Variants in ZC3H12B observed in about 807,000 individuals in gnomAD.
The protein encoded by ZC3H12B is probable ribonuclease ZC3H12B.
In ZC3H12B, 7 loss-of-function variants were observed where a neutral mutation model predicts 43.9. The ratio of observed to expected loss-of-function variants is 0.16; its 90% CI spans 0.09 to 0.30. The LOEUF (loss-of-function observed/expected upper bound fraction) is 0.30, where lower values mean the gene tolerates loss of function less well. ZC3H12B is among the 10% of genes least tolerant of loss of function. The pLI is 1.00. For missense variants in ZC3H12B, 475 were observed against 670.2 expected (o/e 0.71, Z 3.22); for synonymous variants, 222 against 241.7 (o/e 0.92, Z 0.76).
chrX:65,404,485 A>C (rs2148054449), intron 3 of ZC3H12B, among the ~76,000 whole-genome samples: 1 of 111,756 alleles, frequency 8.9e-6, no homozygotes, highest in African/African-American at 3.2e-5. Context: ...AGACACAAAT[A>C]GATTAAAAGA....
the ZC3H12B span, among the ~76,000 whole-genome samples, chrX:65,144,073 TG>T: frequency 8.9e-6 from 1 of 111,746 alleles, no homozygotes; most frequent in South Asian, 3.7e-4. Context: ...TCAGTAGGAT[TG>T]GTTCCAATTT....
intron 3 of ZC3H12B, among the ~76,000 whole-genome samples, chrX:65,440,260 A>G (rs184903964): frequency 1.9e-3 from 215 of 112,144 alleles, no homozygotes; most frequent in Non-Finnish European, 2.9e-3. Context: ...ATGAGCCCCA[A>G]TGTGAGTGAT....
At chrX:65,482,276 T>C (rs1164825113) in intron 3 of ZC3H12B, among the ~76,000 whole-genome samples, 1 of 109,422 alleles carries the variant, frequency 9.1e-6, no homozygotes, top group Non-Finnish European at 1.9e-5. Flanking sequence ...TGGGTATAGG[T>C]AGCACAAAAA....
intron 3 of ZC3H12B, among the ~76,000 whole-genome samples, chrX:65,437,416 G>A (rs1273756865): frequency 8.9e-6 from 1 of 111,952 alleles, no homozygotes; most frequent in Non-Finnish European, 1.9e-5. Context: ...GTCTTTCTAT[G>A]CCTGGCTTAG....
At chrX:65,215,064 G>A in the ZC3H12B span, among the ~76,000 whole-genome samples, 1 of 111,361 alleles carries the variant, frequency 9.0e-6, no homozygotes, top group Non-Finnish European at 1.9e-5. Flanking sequence ...GGCTTAATAT[G>A]TTCAGTAAAC....
chrX:65,481,419 A>T (rs7876688), intron 3 of ZC3H12B, among the ~76,000 whole-genome samples: 15,406 of 111,251 alleles, frequency 0.14, 2,547 homozygotes, highest in African/African-American at 0.47. Flanking sequence ...GAGCAGTGCT[A>T]AGTACCTAGT....
chrX:65,075,050 A>G, the ZC3H12B span, among the ~76,000 whole-genome samples: 2 of 111,899 alleles, frequency 1.8e-5, no homozygotes, highest in African/African-American at 6.5e-5. Context: ...GAAAATGACC[A>G]CCTCACCAAA....
chrX:65,254,551 A>T, the ZC3H12B span, among the ~76,000 whole-genome samples: 5 of 112,370 alleles, frequency 4.4e-5, no homozygotes, highest in Non-Finnish European at 9.4e-5. Flanking sequence ...AAGCAAAAGG[A>T]AAAACACATT....
chrX:65,269,657 A>C, the ZC3H12B span, among the ~76,000 whole-genome samples: 7 of 109,371 alleles, frequency 6.4e-5, no homozygotes, highest in Non-Finnish European at 7.6e-5. Context: ...GCACCATCAC[A>C]CCTGGCTTTT....
the ZC3H12B span, among the ~76,000 whole-genome samples, chrX:65,292,161 G>T: frequency 8.9e-6 from 1 of 111,910 alleles, no homozygotes. Context: ...TACCAAATCA[G>T]TCGGTTTGAT....
chrX:65,106,020 A>G, the ZC3H12B span, among the ~76,000 whole-genome samples: 54 of 112,116 alleles, frequency 4.8e-4, 1 homozygote, highest in African/African-American at 1.5e-3. Flanking sequence ...TTTTAAAACA[A>G]TGCTAGTGTG....
the ZC3H12B span, among the ~76,000 whole-genome samples, chrX:65,038,417 G>T: frequency 6.8e-4 from 76 of 111,503 alleles, no homozygotes; most frequent in Non-Finnish European, 1.4e-3. Flanking sequence ...GAACAGAATG[G>T]CTTATCTGGA....
the ZC3H12B span, chrX:65,186,182 T>C: frequency 2.7e-5 from 3 of 111,420 alleles, no homozygotes; most frequent in Non-Finnish European, 5.6e-5. Context: ...CTAGTTGCTA[T>C]GGTTTTCCTG....
chrX:65,062,749 C>A, the ZC3H12B span, among the ~76,000 whole-genome samples: 2 of 111,863 alleles, frequency 1.8e-5, no homozygotes, highest in Non-Finnish European at 3.8e-5. Context: ...TTACTTTGGA[C>A]TGTGTGGCCA....
At chrX:65,159,745 A>G in the ZC3H12B span, among the ~76,000 whole-genome samples, 1 of 111,936 alleles carries the variant, frequency 8.9e-6, no homozygotes, top group East Asian at 2.8e-4. Flanking sequence ...CTAATTGAAT[A>G]ACCTTTATTT....
intron 1 of ZC3H12B, among the ~76,000 whole-genome samples, chrX:65,493,762 G>A (rs184029567): frequency 8.9e-6 from 1 of 111,761 alleles, no homozygotes; most frequent in Non-Finnish European, 1.9e-5. Flanking sequence ...AAGATACTCC[G>A]TGACTTGCAG....
At chrX:65,398,015 G>A (rs2066721177) in intron 2 of ZC3H12B, among the ~76,000 whole-genome samples, 1 of 111,253 alleles carries the variant, frequency 9.0e-6, no homozygotes, top group Admixed American at 9.6e-5. Flanking sequence ...AATCATGAAG[G>A]TAATCCCATT....
the ZC3H12B span, among the ~76,000 whole-genome samples, chrX:65,341,452 G>T: frequency 4.5e-5 from 5 of 111,496 alleles, no homozygotes; most frequent in Admixed American, 9.5e-5. Flanking sequence ...GTTAAAGTCA[G>T]CTATAGAGAA....
At chrX:65,200,174 G>T in the ZC3H12B span, among the ~76,000 whole-genome samples, 6 of 110,723 alleles carry the variant, frequency 5.4e-5, no homozygotes, top group Non-Finnish European at 1.1e-4. Flanking sequence ...ATCTCATTGT[G>T]GTTTTGATTT....
Sources: gnomAD v4.1 joint callset for allele counts (sites outside exome capture counted in the v4.1 genomes callset) on GRCh38, gnomAD v4.1.1 for gene constraint, MANE v1.5 for transcripts, NCBI Gene and HGNC (gene_info 2026-07-23, HGNC 2026-07-21) for gene names.